Variants in HHAT observed in about 807,000 individuals in gnomAD.
The protein encoded by HHAT is hedgehog acyltransferase.
Under a neutral mutation model 70.8 loss-of-function variants are expected in HHAT, and 47 were observed. The ratio of observed to expected loss-of-function variants is 0.66; its 90% confidence interval spans 0.53 to 0.85. The LOEUF (loss-of-function observed/expected upper bound fraction) is 0.85. Ranked by LOEUF, HHAT falls within the 40% of genes least tolerant of loss-of-function variation. The pLI is 0.00. For missense variants in HHAT, 609 were observed against 604.8 expected, an observed-to-expected ratio of 1.01 and a Z score of -0.07; for synonymous variants, 228 against 247.6, an observed-to-expected ratio of 0.92 and a Z score of 0.74.
At chr1:210,632,431 A>G (rs754145463) in intron 11 of HHAT, among the ~76,000 whole-genome samples, 18 of 152,304 alleles carry the variant, frequency 1.2e-4, no homozygotes, top group Non-Finnish European at 2.4e-4. Context: ...CATAGGGCCC[A>G]AAGATTGGTT....
intron 9 of HHAT, among the ~76,000 whole-genome samples, chr1:210,554,682 A>G (rs1241483545): frequency 6.6e-6 from 1 of 152,122 alleles, no homozygotes; most frequent in Admixed American, 6.5e-5. Flanking sequence ...TAAACCAGGA[A>G]AGTGGGGTTT....
intron 7 of HHAT, among the ~76,000 whole-genome samples, chr1:210,431,228 T>C (rs572381217): frequency 4.0e-5 from 6 of 151,856 alleles, no homozygotes; most frequent in African/African-American, 1.5e-4. Flanking sequence ...AATGGGAATT[T>C]TGGGCTTTGG....
chr1:210,562,960 T>C (rs1359726604), intron 9 of HHAT, among the ~76,000 whole-genome samples: 1 of 152,050 alleles, frequency 6.6e-6, no homozygotes, highest in African/African-American at 2.4e-5. Context: ...TCCAGCTTCA[T>C]CCATGTCCCT....
At position 210,394,858 on chromosome 1, in the gene HHAT, C is replaced by T. The variant is rs912190180; in HGVS notation, c.274-5610C>T. 2.0e-5 allele frequency among the ~76,000 whole-genome samples: 3 copies of T among 152,258 alleles called. No individual in the cohort carries two copies. In the East Asian group the frequency reaches 5.8e-4, roughly 29 times the overall value. Reference sequence around the variant, plus strand: ...TCCTGGAATCAGCCCCTTCTACCTCCATCAGTGCATGTCTAAGGAGGGATG... The same window carrying T: ...TCCTGGAATCAGCCCCTTCTACCTCTATCAGTGCATGTCTAAGGAGGGATG... On this transcript the variant is annotated intron_variant, in intron 4 of 11. Coordinates refer to ENST00000261458, the MANE Select transcript of HHAT (RefSeq NM_018194.6).
Position 210,675,749 on chromosome 1 carries a change from AG to A in HHAT, c.*1375del, listed in dbSNP as rs1158897102. ...CTTCTCTGCTTGGCAAAGAGATGGG[AG>A]GGGGCCAGATACTGACTACCTGGGG... On this transcript the variant is annotated 3_prime_UTR_variant, in exon 12 of 12. Coordinates refer to ENST00000261458, the MANE Select transcript of HHAT (RefSeq NM_018194.6). The A allele has an allele frequency of 6.6e-6, 1 of 152,154 alleles. No individual in the cohort carries two copies. Among genetic ancestry groups the A allele is most frequent in the Non-Finnish European group, 1.5e-5 (1 of 68,080 alleles). The allele number at this position is 152,154 out of a possible 1,614,324, so 9.4% of individuals were successfully genotyped here.
At chr1:210,437,103 C>T (rs1400487555) in intron 7 of HHAT, among the ~76,000 whole-genome samples, 1 of 151,828 alleles carries the variant, frequency 6.6e-6, no homozygotes, top group Non-Finnish European at 1.5e-5. Context: ...TGGGTAAGAG[C>T]ACCATATGGA....
At chr1:210,489,530 C>T (rs1286208685) in intron 8 of HHAT, among the ~76,000 whole-genome samples, 1 of 152,190 alleles carries the variant, frequency 6.6e-6, no homozygotes, top group Non-Finnish European at 1.5e-5. Context: ...ATTGTCCCCA[C>T]GTTGTTATTA....
Position 210,404,619 on chromosome 1 carries a change from C to A in HHAT, c.624C>A (p.Val208=), listed in dbSNP as rs745542930. 6.2e-7 allele frequency: 1 copy of A among 1,613,996 alleles called. No individual in the cohort carries two copies. The highest frequency in any genetic ancestry group is 1.3e-5 in the African/African-American group (1 of 74,890). Reference sequence around the variant, plus strand: ...CCTTTCCCTGGATGCTGGCCTATGTCTTTTATTATCCAGTCTTACACAATG... The same window carrying A: ...CCTTTCCCTGGATGCTGGCCTATGTATTTTATTATCCAGTCTTACACAATG... The part of the protein sequence containing the change: ...SYSFPWMLAY[V]FYYPVLHNGP... Residue 208 remains valine (V), a synonymous_variant, in exon 6 of 12, where the codon GTC becomes GTA. Transcript: ENST00000261458.
intron 8 of HHAT, among the ~76,000 whole-genome samples, chr1:210,501,357 C>T (rs2094750121): frequency 6.6e-6 from 1 of 152,254 alleles, no homozygotes; most frequent in Non-Finnish European, 1.5e-5. Flanking sequence ...TCCCTTTTGC[C>T]GCAGCAGCTT....
intron 9 of HHAT, among the ~76,000 whole-genome samples, chr1:210,518,208 C>T (rs2095092341): frequency 6.6e-6 from 1 of 152,158 alleles, no homozygotes; most frequent in Non-Finnish European, 1.5e-5. Flanking sequence ...CTAATTGAAA[C>T]TTTGTACCCC....
At chr1:210,410,523 A>ATTTTTTTTTTTTTTTTTTTTTT (rs35608235) in intron 6 of HHAT, among the ~76,000 whole-genome samples, 10 of 116,426 alleles carry the variant, frequency 8.6e-5, no homozygotes, top group African/African-American at 3.6e-4. Context: ...TTATTTGTAA[A>ATTTTTTTTTTTTTTTTTTTTTT]TTTTTTTTTT....
At chr1:210,524,256 A>G (rs918662545) in intron 9 of HHAT, among the ~76,000 whole-genome samples, 1 of 152,154 alleles carries the variant, frequency 6.6e-6, no homozygotes, top group South Asian at 2.1e-4. Flanking sequence ...CTACAATAAA[A>G]TTTTTTTAAA....
chr1:210,422,722 C>G (rs2092942658), intron 7 of HHAT, among the ~76,000 whole-genome samples: 1 of 152,174 alleles, frequency 6.6e-6, no homozygotes, highest in South Asian at 2.1e-4. Context: ...ACTGCAACCT[C>G]TGCCTCTTGG....
chr1:210,570,396 C>T (rs1398525698), intron 9 of HHAT, among the ~76,000 whole-genome samples: 1 of 152,166 alleles, frequency 6.6e-6, no homozygotes, highest in East Asian at 1.9e-4. Flanking sequence ...AGCAGAGACC[C>T]TGGTGCAAGC....
At chr1:210,640,301 T>G (rs1207988074) in intron 11 of HHAT, among the ~76,000 whole-genome samples, 3 of 152,200 alleles carry the variant, frequency 2.0e-5, no homozygotes, top group Admixed American at 6.5e-5. Context: ...ACATACTGTT[T>G]GATATTAGAT....
At chr1:210,414,103 A>G (rs1020629993) in intron 6 of HHAT, among the ~76,000 whole-genome samples, 1 of 152,196 alleles carries the variant, frequency 6.6e-6, no homozygotes, top group African/African-American at 2.4e-5. Flanking sequence ...TGGGAATTCC[A>G]TGATCAGTGA....
intron 9 of HHAT, among the ~76,000 whole-genome samples, chr1:210,556,260 T>C (rs187357697): frequency 2.4e-4 from 36 of 152,274 alleles, no homozygotes; most frequent in African/African-American, 8.7e-4. Context: ...GTGGTATCTT[T>C]CCCCTGATTT....
intron 7 of HHAT, among the ~76,000 whole-genome samples, chr1:210,444,796 G>A (rs2093601528): frequency 6.6e-6 from 1 of 151,986 alleles, no homozygotes; most frequent in Non-Finnish European, 1.5e-5. Flanking sequence ...TTACAGACGT[G>A]AACCACCATG....
chr1:210,577,901 C>T (rs1443652318), intron 9 of HHAT, among the ~76,000 whole-genome samples: 1 of 152,016 alleles, frequency 6.6e-6, no homozygotes, highest in African/African-American at 2.4e-5. Flanking sequence ...CTGCCTCAGC[C>T]TCTCAAAGTT....
Sources: allele counts gnomAD v4.1 joint callset (sites outside exome capture counted in the v4.1 genomes callset), GRCh38; gene constraint gnomAD v4.1.1; transcripts MANE v1.5; gene names NCBI Gene and HGNC (gene_info 2026-07-23, HGNC 2026-07-21).